The following VEPH1 variants were observed in gnomAD, a reference collection of about 807,000 sequenced individuals.
VEPH1 encodes the protein ventricular zone-expressed PH domain-containing protein homolog 1.
VEPH1 carries 80 observed loss-of-function variants against 85.2 expected under a neutral mutation model. The observed-to-expected ratio is 0.94, with a 90% CI of 0.78 to 1.13. The LOEUF is 1.13. Ranked by LOEUF, VEPH1 falls within the 50% of genes most tolerant of loss-of-function variation. VEPH1 has a pLI of 0.00. For synonymous variants in VEPH1, 297 were observed against 348.0 expected (o/e 0.85, Z 1.63); for missense variants, 955 against 980.5 (o/e 0.97, Z 0.35).
chr3:157,368,985 G>A (rs1727071877), intron 7 of VEPH1, among the ~76,000 whole-genome samples: 2 of 151,644 alleles, frequency 1.3e-5, no homozygotes, highest in Non-Finnish European at 2.9e-5. Flanking sequence ...TGCACTGTGG[G>A]CAGGGACCTG....
intron 5 of VEPH1, among the ~76,000 whole-genome samples, chr3:157,421,907 C>T (rs1350589852): frequency 6.6e-6 from 1 of 152,124 alleles, no homozygotes; most frequent in African/African-American, 2.4e-5. Flanking sequence ...AAACCCTGGC[C>T]TCTTTGTTCT....
rs986313368 is a variant in VEPH1 at position 157,480,354 on chromosome 3, A to C, written c.139-9825T>G. Among the ~76,000 whole-genome samples, 4 of 152,120 alleles carry C rather than the reference A, an allele frequency of 2.6e-5. 1 individual carries two copies. The South Asian group carries it at 6.2e-4, about 24-fold the overall frequency. ...CGTACATCAGCAGGTTTGTTACAAGAGTATATTTTATGACACTGAGGTTTG... is the reference window on the plus strand; with the variant it reads ...CGTACATCAGCAGGTTTGTTACAAGCGTATATTTTATGACACTGAGGTTTG... On this transcript the variant is annotated intron_variant, in intron 2 of 13. Coordinates refer to ENST00000362010, the MANE Select transcript of VEPH1 (RefSeq NM_001167912.2).
chr3:157,330,734 C>T (rs1037001064), intron 9 of VEPH1, among the ~76,000 whole-genome samples: 1 of 152,154 alleles, frequency 6.6e-6, no homozygotes, highest in African/African-American at 2.4e-5. Context: ...CAGCCCTCGC[C>T]ACCTATCAAG....
At chr3:157,326,397 G>A (rs1015059507) in intron 9 of VEPH1, among the ~76,000 whole-genome samples, 6 of 152,168 alleles carry the variant, frequency 3.9e-5, no homozygotes, top group African/African-American at 1.4e-4. Flanking sequence ...TACCAAAAAA[G>A]TAAAATGGAA....
chr3:157,436,412 C>T (rs1733580192), intron 4 of VEPH1, among the ~76,000 whole-genome samples: 1 of 152,162 alleles, frequency 6.6e-6, no homozygotes, highest in South Asian at 2.1e-4. Flanking sequence ...AGACCATTTT[C>T]AGTTTCAACC....
intron 6 of VEPH1, chr3:157,409,744 G>T: frequency 1.0e-6 from 1 of 985,384 alleles, no homozygotes. Context: ...AGCCAGCCCT[G>T]CAGTTCTTAC....
chr3:157,275,703 A>C (rs1420207634), intron 12 of VEPH1, among the ~76,000 whole-genome samples: 1 of 152,226 alleles, frequency 6.6e-6, no homozygotes, highest in Non-Finnish European at 1.5e-5. Context: ...TTTTTAAGTA[A>C]GAACTGAGAA....
intron 6 of VEPH1, among the ~76,000 whole-genome samples, chr3:157,401,386 T>A (rs1188397574): frequency 3.3e-5 from 5 of 152,118 alleles, no homozygotes; most frequent in Non-Finnish European, 4.4e-5. Context: ...AATTGAACTT[T>A]CCATAATTTA....
intron 4 of VEPH1, among the ~76,000 whole-genome samples, chr3:157,459,027 G>C (rs982823527): frequency 3.3e-5 from 5 of 152,164 alleles, no homozygotes; most frequent in African/African-American, 1.2e-4. Flanking sequence ...GCACTGCTCT[G>C]GGGCCTCTCT....
rs376490913 is a variant in VEPH1, at chr3:157,389,459, G to A, written c.907-8083C>T. 7.4e-4 allele frequency among the ~76,000 whole-genome samples: 112 copies of A among 152,312 alleles called. 2 individuals carry two copies. In the South Asian group the frequency reaches 0.023, roughly 31 times the overall value. On this transcript the variant is annotated intron_variant, in intron 6 of 13. Transcript: ENST00000362010. Reference sequence around the variant, plus strand: ...CAGGGCATCACTTTGTTCAACCTCAGCTGGGGACAACTGAAGTTTTTTGCT... The same window carrying A: ...CAGGGCATCACTTTGTTCAACCTCAACTGGGGACAACTGAAGTTTTTTGCT...
intron 3 of VEPH1, among the ~76,000 whole-genome samples, chr3:157,462,352 A>G (rs1370931554): frequency 6.6e-6 from 1 of 152,154 alleles, no homozygotes; most frequent in Non-Finnish European, 1.5e-5. Context: ...ATTCTTTTAA[A>G]TAGATGCAAA....
intron 4 of VEPH1, among the ~76,000 whole-genome samples, chr3:157,457,998 C>T (rs1735521712): frequency 6.6e-6 from 1 of 152,104 alleles, no homozygotes; most frequent in South Asian, 2.1e-4. Context: ...TGGTCCCAAG[C>T]TTATTGTGAT....
At chr3:157,269,590 C>T (rs1172221212) in intron 12 of VEPH1, among the ~76,000 whole-genome samples, 1 of 150,714 alleles carries the variant, frequency 6.6e-6, no homozygotes, top group African/African-American at 2.4e-5. Context: ...ATTTTTATAT[C>T]CCGTATCTTA....
intron 11 of VEPH1, among the ~76,000 whole-genome samples, chr3:157,290,788 G>T (rs1374027489): frequency 2.2e-4 from 33 of 152,134 alleles, no homozygotes; most frequent in Admixed American, 2.2e-3. Flanking sequence ...TAAACATTTG[G>T]CTAAGTGAGC....
chr3:157,261,463 C>T, intron 13 of VEPH1, 93 bp from the exon 14 acceptor site: 2 of 1,533,628 alleles, frequency 1.3e-6, no homozygotes, highest in Non-Finnish European at 1.7e-6. Context: ...GGCCAGAATC[C>T]TTTCACTTTT....
chr3:157,305,069 T>TATCTATCTATCTATCA (rs1559941160), intron 11 of VEPH1, among the ~76,000 whole-genome samples: 1 of 149,098 alleles, frequency 6.7e-6, no homozygotes, highest in African/African-American at 2.5e-5. Context: ...TCTATCTATC[T>TATCTATCTATCTATCA]TCCTATCTCT....
intron 6 of VEPH1, among the ~76,000 whole-genome samples, chr3:157,394,520 G>C (rs901122123): frequency 6.6e-6 from 1 of 152,136 alleles, no homozygotes; most frequent in African/African-American, 2.4e-5. Context: ...CTCGAGACTG[G>C]GTAATTTATA....
At chr3:157,360,492 A>G (rs1299901289) in intron 9 of VEPH1, among the ~76,000 whole-genome samples, 2 of 152,180 alleles carry the variant, frequency 1.3e-5, no homozygotes, top group African/African-American at 4.8e-5. Context: ...GGGAAAAAAA[A>G]GCAAAGTTAA....
chr3:157,427,872 T>C (rs1732865499), intron 5 of VEPH1, among the ~76,000 whole-genome samples: 1 of 152,228 alleles, frequency 6.6e-6, no homozygotes, highest in South Asian at 2.1e-4. Context: ...AGCATTTGAA[T>C]GGGTAGACTG....
Sources: gnomAD v4.1 joint callset for allele counts (sites outside exome capture counted in the v4.1 genomes callset) on GRCh38, gnomAD v4.1.1 for gene constraint, MANE v1.5 for transcripts, NCBI Gene and HGNC (gene_info 2026-07-23, HGNC 2026-07-21) for gene names.